Variants in CBLB observed in about 807,000 individuals in gnomAD.
CBLB encodes E3 ubiquitin-protein ligase CBL-B.
In CBLB, 31 loss-of-function variants were observed where a neutral mutation model predicts 104.9. That is an observed-to-expected ratio of 0.30 (90% CI 0.22 to 0.40). The LOEUF (loss-of-function observed/expected upper bound fraction) is 0.40, where lower values mean the gene tolerates loss of function less well. Among genes scored for constraint, CBLB ranks in the 10% least tolerant of loss-of-function variants. CBLB has a pLI of 1.00. For synonymous variants in CBLB, 440 were observed against 422.6 expected, an observed-to-expected ratio of 1.04 and a Z score of -0.51; for missense variants, 1,062 against 1,214.6, an observed-to-expected ratio of 0.87 and a Z score of 1.87.
chr3:105,751,361 T>C, intron 5 of CBLB, 101 bp downstream of exon 5: 2 of 775,506 alleles, frequency 2.6e-6, no homozygotes, highest in East Asian at 2.8e-5. Context: ...TGTTTGTTTA[T>C]GTGTGTGTGT....
intron 5 of CBLB, among the ~76,000 whole-genome samples, chr3:105,746,416 T>C (rs375367145): frequency 4.5e-4 from 68 of 152,324 alleles, no homozygotes; most frequent in African/African-American, 1.6e-3. Flanking sequence ...ATATATCACT[T>C]AGAAGGACTT....
At chr3:105,764,689 G>C (rs2152938007) in intron 4 of CBLB, among the ~76,000 whole-genome samples, 1 of 152,284 alleles carries the variant, frequency 6.6e-6, no homozygotes, top group Non-Finnish European at 1.5e-5. Flanking sequence ...ATTAAGTTTA[G>C]TGAGAAAGGC....
intron 3 of CBLB, among the ~76,000 whole-genome samples, chr3:105,827,319 T>C (rs1466227272): frequency 6.6e-6 from 1 of 152,222 alleles, no homozygotes; most frequent in Non-Finnish European, 1.5e-5. Flanking sequence ...TATGAAACTT[T>C]TTTTTTCCCT....
At chr3:105,669,933 T>C (rs1282435232) in intron 18 of CBLB, among the ~76,000 whole-genome samples, 4 of 152,152 alleles carry the variant, frequency 2.6e-5, no homozygotes, top group Non-Finnish European at 5.9e-5. Context: ...GAGATTTTCC[T>C]CATTTCCTAA....
intron 3 of CBLB, among the ~76,000 whole-genome samples, chr3:105,831,788 C>T (rs2087569455): frequency 6.6e-6 from 1 of 152,140 alleles, no homozygotes; most frequent in Admixed American, 6.5e-5. Context: ...TTCAGGAAGG[C>T]AAAGCAATTT....
At chr3:105,854,622 T>G (rs1339107502) in intron 2 of CBLB, among the ~76,000 whole-genome samples, 1 of 147,656 alleles carries the variant, frequency 6.8e-6, no homozygotes, top group Non-Finnish European at 1.5e-5. Flanking sequence ...TTGTCAAGAG[T>G]ATATCTTATT....
chr3:105,698,472 TA>T (rs1247418878), intron 12 of CBLB, among the ~76,000 whole-genome samples: 1 of 152,064 alleles, frequency 6.6e-6, no homozygotes, highest in African/African-American at 2.4e-5. Flanking sequence ...TCCACATGTA[TA>T]ATTAGTTTTC....
intron 3 of CBLB, among the ~76,000 whole-genome samples, chr3:105,820,851 T>C (rs1333984017): frequency 1.3e-5 from 2 of 152,166 alleles, no homozygotes; most frequent in Non-Finnish European, 2.9e-5. Context: ...AGGAAGTTCG[T>C]TCTCTATTTC....
intron 9 of CBLB, among the ~76,000 whole-genome samples, chr3:105,724,406 G>T (rs2073312692): frequency 2.0e-5 from 3 of 152,060 alleles, no homozygotes; most frequent in African/African-American, 7.2e-5. Context: ...TAGGATACTT[G>T]GACTGGACTT....
At chr3:105,665,442 T>TACACAC (rs1159402124) in intron 18 of CBLB, among the ~76,000 whole-genome samples, 96 of 67,166 alleles carry the variant, frequency 1.4e-3, no homozygotes, top group African/African-American at 4.4e-3. Context: ...TATATATATA[T>TACACAC]ACACACACAC....
At chr3:105,857,602 T>C (rs1354271644) in intron 2 of CBLB, among the ~76,000 whole-genome samples, 1 of 152,232 alleles carries the variant, frequency 6.6e-6, no homozygotes, top group Non-Finnish European at 1.5e-5. Flanking sequence ...CTCGGGCTGA[T>C]CTTTCTAACT....
intron 18 of CBLB, among the ~76,000 whole-genome samples, chr3:105,668,048 A>G (rs1210536496): frequency 6.6e-6 from 1 of 152,198 alleles, no homozygotes; most frequent in Non-Finnish European, 1.5e-5. Flanking sequence ...TCATGTGAAC[A>G]AACATATGTT....
chr3:105,801,368 T>G (rs1269241434), intron 3 of CBLB, among the ~76,000 whole-genome samples: 1 of 152,210 alleles, frequency 6.6e-6, no homozygotes, highest in Non-Finnish European at 1.5e-5. Context: ...AAGCATATTT[T>G]TAATATTTTA....
chr3:105,727,930 G>A (rs192337088), intron 9 of CBLB, among the ~76,000 whole-genome samples: 30 of 152,314 alleles, frequency 2.0e-4, no homozygotes, highest in African/African-American at 7.0e-4. Context: ...GTACCATGCT[G>A]TTTTGGTTAC....
intron 9 of CBLB, among the ~76,000 whole-genome samples, chr3:105,728,110 T>A (rs966584810): frequency 3.9e-5 from 6 of 152,226 alleles, no homozygotes; most frequent in African/African-American, 1.4e-4. Flanking sequence ...GGGGATAGAT[T>A]GAATCTATAA....
intron 3 of CBLB, among the ~76,000 whole-genome samples, chr3:105,777,899 A>C (rs909913780): frequency 2.6e-5 from 4 of 152,218 alleles, no homozygotes; most frequent in African/African-American, 9.6e-5. Context: ...ATATTACGTT[A>C]ATCGGCATAA....
In CBLB at chr3:105,849,803, G is replaced by A. The variant is rs2090723927; in HGVS notation, c.419+3611C>T. ...TTAATGGATGACTTGGCTGGATCAG[G>A]AAGAATTTCAAAACTACTAAATTTG... On this transcript the variant is annotated intron_variant, in intron 3 of 18. Coordinates refer to ENST00000394030, the MANE Select transcript of CBLB (RefSeq NM_170662.5). Among the ~76,000 whole-genome samples, 3 of 152,162 alleles carry A rather than the reference G, an allele frequency of 2.0e-5. No homozygotes were observed. In the South Asian group the frequency reaches 6.2e-4, roughly 32 times the overall value.
intron 4 of CBLB, among the ~76,000 whole-genome samples, chr3:105,763,006 G>A (rs1006935058): frequency 8.5e-5 from 13 of 152,332 alleles, no homozygotes; most frequent in Admixed American, 2.6e-4. Flanking sequence ...TGCCCTGGAC[G>A]TGAGACACGG....
intron 2 of CBLB, among the ~76,000 whole-genome samples, chr3:105,865,905 A>G (rs894059022): frequency 1.3e-5 from 2 of 152,192 alleles, no homozygotes; most frequent in African/African-American, 4.8e-5. Context: ...AGTGAGAGTG[A>G]CCTTCAAATG....
Sources: allele counts gnomAD v4.1 joint callset (sites outside exome capture counted in the v4.1 genomes callset), GRCh38; gene constraint gnomAD v4.1.1; transcripts MANE v1.5; gene names NCBI Gene and HGNC (gene_info 2026-07-23, HGNC 2026-07-21).